Variants in PCDHAC1 observed in about 807,000 individuals in gnomAD.
PCDHAC1 encodes protocadherin alpha-C1.
A neutral mutation model predicts 60.0 loss-of-function variants in PCDHAC1; 42 were observed. The ratio of observed to expected loss-of-function variants is 0.70; its 90% CI spans 0.55 to 0.90. The LOEUF is 0.90. PCDHAC1 is among the 40% of genes least tolerant of loss of function. The pLI, the probability that PCDHAC1 is intolerant of heterozygous loss-of-function variation, is 0.00. For synonymous variants in PCDHAC1, 468 were observed against 499.3 expected, an observed-to-expected ratio of 0.94 and a Z score of 0.84; for missense variants, 1,160 against 1,222.3, an observed-to-expected ratio of 0.95 and a Z score of 0.76.
At chr5:141,000,944 T>C (rs2097977292) in intron 3 of PCDHAC1, among the ~76,000 whole-genome samples, 1 of 152,196 alleles carries the variant, frequency 6.6e-6, no homozygotes, top group Non-Finnish European at 1.5e-5. Flanking sequence ...GGACAAATTA[T>C]CTTGCTGTAA....
rs184181976 is a variant in PCDHAC1, at chr5:141,009,882, A to C, written c.2837A>C (p.Lys946Thr). Reference protein sequence around the residue: ...KKKKKKKKGNKTQEKKEKGNS... With the variant: ...KKKKKKKKGNTTQEKKEKGNS... Reference sequence around the variant, plus strand: ...AAGAAGAAAAAGAAGAAGGGTAACAAGACCCAGGAGAAAAAAGAGAAAGGG... The same window carrying C: ...AAGAAGAAAAAGAAGAAGGGTAACACGACCCAGGAGAAAAAAGAGAAAGGG... The change falls in exon 4 of 4, where the codon AAG becomes ACG. Residue 946 changes from lysine (K) to threonine (T), a missense_variant. Physicochemically the swap from Lys to Thr is moderately conservative, Grantham distance 78. Transcript: ENST00000253807. 6.2e-7 allele frequency: 1 copy of C among 1,613,488 alleles called. No homozygotes were observed. Among genetic ancestry groups the C allele is most frequent in the Non-Finnish European group, 8.5e-7 (1 of 1,179,914 alleles).
intron 1 of PCDHAC1, among the ~76,000 whole-genome samples, chr5:140,946,909 C>G (rs1290458457): frequency 6.6e-6 from 1 of 151,234 alleles, no homozygotes; most frequent in Non-Finnish European, 1.5e-5. Flanking sequence ...AGAATAAGTT[C>G]TGGTGTTTTA....
At chr5:140,967,613 G>C in intron 1 of PCDHAC1, 1 of 1,614,182 alleles carries the variant, frequency 6.2e-7, no homozygotes, top group Non-Finnish European at 8.5e-7. Flanking sequence ...GAATGCCTCA[G>C]ACCCGGATGA....
chr5:140,936,270 T>C (rs1367001317), intron 1 of PCDHAC1, among the ~76,000 whole-genome samples: 1 of 152,226 alleles, frequency 6.6e-6, no homozygotes, highest in African/African-American at 2.4e-5. Flanking sequence ...GAAGATATAT[T>C]CCTGTGTTTT....
At chr5:140,948,773 G>A (rs991446033) in intron 1 of PCDHAC1, among the ~76,000 whole-genome samples, 12 of 151,352 alleles carry the variant, frequency 7.9e-5, no homozygotes, top group Non-Finnish European at 1.6e-4. Context: ...CGAATAGCCA[G>A]CTTTTGGCTT....
Position 141,010,653 on chromosome 5 carries a change from A to G in PCDHAC1, c.*716A>G. On this transcript the variant is annotated 3_prime_UTR_variant, in exon 4 of 4. Transcript: ENST00000253807. ...TGCAAGCCAACAGTTCAGTGTTTTA[A>G]CAGAGAACCACCCTGGGAAACAGAA... 5.9e-6 allele frequency: 1 copy of G among 170,180 alleles called. No individual in the cohort carries two copies. The highest frequency in any genetic ancestry group is 1.3e-5 in the Non-Finnish European group (1 of 78,244). 10.5% of individuals were successfully genotyped at this position (170,180 alleles called of 1,614,324 possible). A position where few individuals can be genotyped will look rare whatever the true frequency, so the allele number is the denominator to read the frequency against.
At chr5:140,969,388 A>C in intron 1 of PCDHAC1, 2 of 1,595,066 alleles carry the variant, frequency 1.3e-6, no homozygotes, top group Non-Finnish European at 1.7e-6. Context: ...CACATCCCCC[A>C]ATATCCTGTG....
rs141394050 is a variant in PCDHAC1 at position 140,948,629 on chromosome 5, T to C, written c.2433+19304T>C. 8.2e-3 allele frequency among the ~76,000 whole-genome samples: 1,244 copies of C among 151,828 alleles called. 11 individuals are homozygous for C. Among genetic ancestry groups the C allele is most frequent in the Non-Finnish European group, 0.013 (908 of 67,578 alleles). On this transcript the variant is annotated intron_variant, in intron 1 of 3. Transcript: ENST00000253807. ...TTTTGGCACAAAGTTGTTAATAATA[T>C]TCTCTCATCTTTTAACGTCTGTATA...
chr5:140,969,613 T>C (rs2096347317), intron 1 of PCDHAC1: 2 of 727,588 alleles, frequency 2.7e-6, no homozygotes, highest in African/African-American at 1.8e-5. Flanking sequence ...AAACACAGAT[T>C]TGTAGAGAAA....
chr5:140,966,974 C>A, intron 1 of PCDHAC1: 1 of 1,602,874 alleles, frequency 6.2e-7, no homozygotes, highest in Non-Finnish European at 8.5e-7. Context: ...GCTTGAGCTG[C>A]GGCGCTTGGG....
At chr5:141,001,473 G>A (rs1172395730) in intron 3 of PCDHAC1, among the ~76,000 whole-genome samples, 1 of 152,220 alleles carries the variant, frequency 6.6e-6, no homozygotes, top group African/African-American at 2.4e-5. Flanking sequence ...AAGCAGCAGC[G>A]GGGAAGTGCT....
chr5:140,942,588 A>T (rs1416575390), intron 1 of PCDHAC1, among the ~76,000 whole-genome samples: 1 of 149,588 alleles, frequency 6.7e-6, no homozygotes, highest in South Asian at 2.1e-4. Flanking sequence ...AGGATGTCAC[A>T]TATAATTATA....
chr5:141,003,086 G>T (rs782184121), intron 3 of PCDHAC1, among the ~76,000 whole-genome samples: 7 of 152,194 alleles, frequency 4.6e-5, no homozygotes, highest in Non-Finnish European at 1.0e-4. Flanking sequence ...GAGTTTAACA[G>T]GCCTGGCATT....
intron 1 of PCDHAC1, among the ~76,000 whole-genome samples, chr5:140,936,138 C>G (rs1396548448): frequency 6.6e-6 from 1 of 152,074 alleles, no homozygotes; most frequent in African/African-American, 2.4e-5. Context: ...AGTGATCTGC[C>G]CGCCTTGGCC....
At chr5:140,957,269 T>TC (rs2095346885) in intron 1 of PCDHAC1, among the ~76,000 whole-genome samples, 1 of 152,070 alleles carries the variant, frequency 6.6e-6, no homozygotes, top group African/African-American at 2.4e-5. Context: ...TAAGCACTAG[T>TC]CCCCCCTTAC....
intron 1 of PCDHAC1, among the ~76,000 whole-genome samples, chr5:140,978,369 A>G (rs1015473344): frequency 6.6e-6 from 1 of 152,196 alleles, no homozygotes; most frequent in Non-Finnish European, 1.5e-5. Flanking sequence ...CAAACTCTGC[A>G]ATAGTTTGTT....
At chr5:140,942,907 C>T (rs990206907) in intron 1 of PCDHAC1, among the ~76,000 whole-genome samples, 14 of 151,044 alleles carry the variant, frequency 9.3e-5, no homozygotes, top group Non-Finnish European at 1.6e-4. Flanking sequence ...TAAGAATAAG[C>T]GTGAAGAAAA....
At chr5:140,970,135 G>C (rs1317802980) in intron 1 of PCDHAC1, among the ~76,000 whole-genome samples, 1 of 152,016 alleles carries the variant, frequency 6.6e-6, no homozygotes, top group Non-Finnish European at 1.5e-5. Context: ...GAAGAGAAGG[G>C]AAAAAGAATT....
chr5:141,010,016 CT>C lies in PCDHAC1; in HGVS notation c.*84del. 1 of 1,572,200 alleles carries C rather than the reference CT, an allele frequency of 6.4e-7. No homozygotes were observed. The highest frequency in any genetic ancestry group is 8.6e-7 in the Non-Finnish European group (1 of 1,163,240). On this transcript the variant is annotated 3_prime_UTR_variant, in exon 4 of 4. Transcript: ENST00000253807. Reference sequence around the variant, plus strand: ...TCTCCCATGTAGCAATTCCCTGCTCCTTTTTCCTATCTACATGAGCCCTCTT... The same window carrying C: ...TCTCCCATGTAGCAATTCCCTGCTCCTTTTCCTATCTACATGAGCCCTCTT...
Sources: gnomAD v4.1 joint callset for allele counts (sites outside exome capture counted in the v4.1 genomes callset) on GRCh38, gnomAD v4.1.1 for gene constraint, MANE v1.5 for transcripts, NCBI Gene and HGNC (gene_info 2026-07-23, HGNC 2026-07-21) for gene names.